The following AOPEP variants were observed in gnomAD, a reference collection of about 807,000 sequenced individuals.
AOPEP encodes the protein aminopeptidase O (putative).
In AOPEP, 77 loss-of-function variants were observed where a neutral mutation model predicts 98.1. The ratio of observed to expected loss-of-function variants is 0.78; its 90% CI spans 0.65 to 0.95. The LOEUF is 0.95. Among genes scored for constraint, AOPEP ranks in the 40% least tolerant of loss-of-function variants. AOPEP has a pLI of 0.00. For missense variants in AOPEP, 1,024 were observed against 1,024.7 expected (o/e 1.00, Z 0.01); for synonymous variants, 346 against 365.3 (o/e 0.95, Z 0.60).
At chr9:95,114,428 A>G in the AOPEP span, 1 of 667,396 alleles carries the variant, frequency 1.5e-6, no homozygotes, top group Non-Finnish European at 2.7e-6. Flanking sequence ...ATACATGCGC[A>G]TGCCTATTCA....
chr9:95,028,388 G>T (rs1238863139), intron 13 of AOPEP, among the ~76,000 whole-genome samples: 2 of 152,158 alleles, frequency 1.3e-5, no homozygotes, highest in Non-Finnish European at 2.9e-5. Flanking sequence ...CTATGCCTGT[G>T]GTGCACAGTG....
At chr9:94,931,677 C>A in intron 7 of AOPEP, 3 of 1,273,512 alleles carry the variant, frequency 2.4e-6, no homozygotes, top group Non-Finnish European at 3.4e-6. Flanking sequence ...AAATGATGGG[C>A]CATAACAACG....
In AOPEP at chr9:95,011,916, A is replaced by G. The variant is rs183850713; in HGVS notation, c.2115+6300A>G. Among the ~76,000 whole-genome samples, 30 of 152,354 alleles carry G rather than the reference A, an allele frequency of 2.0e-4. No individual in the cohort carries two copies. In the East Asian group the frequency reaches 4.4e-3, roughly 23 times the overall value. ...CTAGCATAATAAGGAAAGTTAAAGT[A>G]TCATCATCCACTTACCCACATACAC... On this transcript the variant is annotated intron_variant, in intron 13 of 16. Coordinates refer to ENST00000375315, the MANE Select transcript of AOPEP (RefSeq NM_001193329.3).
chr9:95,082,006 A>C (rs1163181226), intron 15 of AOPEP, among the ~76,000 whole-genome samples: 1 of 152,074 alleles, frequency 6.6e-6, no homozygotes, highest in Non-Finnish European at 1.5e-5. Context: ...GTTCCCAAGC[A>C]GCAGAGCCGG....
At chr9:94,774,588 A>G (rs992457509) in intron 3 of AOPEP, among the ~76,000 whole-genome samples, 3 of 152,134 alleles carry the variant, frequency 2.0e-5, no homozygotes, top group African/African-American at 7.2e-5. Flanking sequence ...TGATTTTAAC[A>G]TTGGCACAAT....
At chr9:95,107,152 C>CAGG in the AOPEP span, 1 of 1,614,104 alleles carries the variant, frequency 6.2e-7, no homozygotes, top group Non-Finnish European at 8.5e-7. Flanking sequence ...AGCTGTTGTG[C>CAGG]AGGAGCTCTG....
In AOPEP at chr9:94,763,226, A is replaced by G. The variant is rs561794158; in HGVS notation, c.797+2646A>G. The G allele has an allele frequency of 1.2e-3, 334 of 283,654 alleles. 1 individual carries two copies. Among genetic ancestry groups the G allele is most frequent in the Admixed American group, 2.2e-3 (45 of 20,776 alleles). 17.6% of individuals were successfully genotyped at this position (283,654 alleles called of 1,614,324 possible). ...ATTTGATCTTCACGTCACTTACTGT[A>G]TGCAAAGCTTTCAAGTATATTTAAA... is the stretch of plus-strand genomic sequence containing the variant. On this transcript the variant is annotated intron_variant, in intron 2 of 16. Transcript: ENST00000375315.
chr9:94,853,433 G>T (rs367720717), intron 5 of AOPEP, among the ~76,000 whole-genome samples: 2 of 151,896 alleles, frequency 1.3e-5, no homozygotes, highest in African/African-American at 4.8e-5. Context: ...GCACTCCAGC[G>T]TGGGCAACAG....
intron 5 of AOPEP, among the ~76,000 whole-genome samples, chr9:94,857,333 T>C (rs1380058291): frequency 6.6e-6 from 1 of 152,230 alleles, no homozygotes; most frequent in Non-Finnish European, 1.5e-5. Flanking sequence ...ACCTCATGTA[T>C]GTTCATCTTA....
chr9:94,780,859 A>T (rs1843095249), intron 3 of AOPEP, among the ~76,000 whole-genome samples: 2 of 152,172 alleles, frequency 1.3e-5, no homozygotes, highest in African/African-American at 4.8e-5. Flanking sequence ...TGATTAGCAC[A>T]TTTCCCGGGC....
At chr9:94,996,631 T>C (rs2061262644) in intron 11 of AOPEP, among the ~76,000 whole-genome samples, 1 of 152,216 alleles carries the variant, frequency 6.6e-6, no homozygotes, top group Non-Finnish European at 1.5e-5. Flanking sequence ...CCACACCTGC[T>C]CTATCTTAGG....
intron 1 of AOPEP, among the ~76,000 whole-genome samples, chr9:94,733,781 C>T (rs531270251): frequency 6.6e-6 from 1 of 152,250 alleles, no homozygotes; most frequent in Admixed American, 6.5e-5. Context: ...ATTTTCTTAC[C>T]TTAATCCCAG....
intron 11 of AOPEP, among the ~76,000 whole-genome samples, chr9:94,992,141 A>T (rs2060928865): frequency 6.6e-6 from 1 of 152,218 alleles, no homozygotes; most frequent in South Asian, 2.1e-4. Flanking sequence ...GAGAGCACAA[A>T]GGTGGTGGCC....
chr9:94,801,667 A>G (rs1378842680), intron 5 of AOPEP, among the ~76,000 whole-genome samples: 1 of 152,242 alleles, frequency 6.6e-6, no homozygotes. Context: ...TCTATTAATT[A>G]ATGCCATTGT....
chr9:95,080,744 C>T lies in AOPEP; in HGVS notation c.2283C>T (p.Ala761=). 1 of 1,614,042 alleles carries T rather than the reference C, an allele frequency of 6.2e-7. No individual in the cohort carries two copies. The highest frequency in any genetic ancestry group is 8.5e-7 in the Non-Finnish European group (1 of 1,179,998). The stretch of plus-strand genomic sequence containing the variant: ...TTGTTAAGCACAAGTTCACGAAAGC[C>T]TACAAAAGTGTGGAGAGGTTCCTTC... ...ELIVKHKFTK[A]YKSVERFLQE... Residue 761 remains alanine (A), a synonymous_variant, in exon 15 of 17, where the codon GCC becomes GCT. Transcript: ENST00000375315.
chr9:95,116,594 T>C, the AOPEP span, among the ~76,000 whole-genome samples: 1 of 152,238 alleles, frequency 6.6e-6, no homozygotes. Context: ...ATAAGGCCCC[T>C]TTCTGGCTGG....
chr9:95,043,251 T>TATATATACACATATATATACAG (rs1554814047), intron 13 of AOPEP, among the ~76,000 whole-genome samples: 1 of 147,632 alleles, frequency 6.8e-6, no homozygotes, highest in East Asian at 2.0e-4. Flanking sequence ...TATATACAGA[T>TATATATACACATATATATACAG]ATATATATAC....
chr9:94,865,844 G>C (rs2045642391), intron 5 of AOPEP, among the ~76,000 whole-genome samples: 1 of 152,152 alleles, frequency 6.6e-6, no homozygotes, highest in South Asian at 2.1e-4. Flanking sequence ...TGCTAGACAG[G>C]AATGCCAAAC....
At chr9:94,860,604 T>C (rs2044819997) in intron 5 of AOPEP, among the ~76,000 whole-genome samples, 1 of 152,032 alleles carries the variant, frequency 6.6e-6, no homozygotes, top group African/African-American at 2.4e-5. Flanking sequence ...TTCCAAGATA[T>C]GCTCTGGAGA....
Sources: allele counts gnomAD v4.1 joint callset (sites outside exome capture counted in the v4.1 genomes callset), GRCh38; gene constraint gnomAD v4.1.1; transcripts MANE v1.5; gene names NCBI Gene and HGNC (gene_info 2026-07-23, HGNC 2026-07-21).